FANCG: variants seen among roughly 807,000 people sequenced by gnomAD.
FANCG encodes the protein Fanconi anemia group G protein.
Under a neutral mutation model 73.3 loss-of-function variants are expected in FANCG, and 67 were observed. The ratio of observed to expected loss-of-function variants is 0.91; its 90% confidence interval spans 0.75 to 1.12. FANCG has a LOEUF of 1.12. Ranked by LOEUF, FANCG falls within the 50% of genes most tolerant of loss-of-function variation. The pLI is 0.00. For synonymous variants in FANCG, 297 were observed against 311.6 expected (o/e 0.95, Z 0.49); for missense variants, 643 against 735.6 (o/e 0.87, Z 1.46).
At chr9:35,078,049 C>T in intron 4 of FANCG, 92 bp downstream of exon 4, 2 of 1,276,068 alleles carry the variant, frequency 1.6e-6, no homozygotes, top group East Asian at 2.3e-5. Flanking sequence ...ACCCAGCCGC[C>T]TGTCCAGTAC....
chr9:35,075,362 A>C (rs368664759), intron 10 of FANCG, 37 bp from the exon 11 acceptor site: 13 of 1,613,960 alleles, frequency 8.1e-6, no homozygotes, highest in Non-Finnish European at 1.0e-5. Context: ...AAGAGGAATC[A>C]ATTTCAGAAA....
Position 35,075,821 on chromosome 9 carries a change from C to T in FANCG, c.1144-67G>A, listed in dbSNP as rs574110678. The stretch of plus-strand genomic sequence containing the variant: ...CACCATCCCCAACCTCTTCACCAGG[C>T]TCTGGTACCATGCAGAGTCCTGGGC... On this transcript the variant is annotated intron_variant, in intron 9 of 13. Coordinates refer to ENST00000378643, the MANE Select transcript of FANCG (RefSeq NM_004629.2). 6.9e-4 allele frequency: 1,062 copies of T among 1,542,750 alleles called. 23 individuals carry two copies. In the South Asian group the frequency reaches 0.011, roughly 15 times the overall value.
Position 35,079,590 on chromosome 9 carries a change from C to A in FANCG, c.-66G>T, listed in dbSNP as rs1403630352. The stretch of plus-strand genomic sequence containing the variant: ...GAAGGGTGAAGCTGGCCTGCCCAAG[C>A]TCCCAACCCCAGCGGGGAGGGGCCT... On this transcript the variant is annotated 5_prime_UTR_variant, in exon 1 of 14. Coordinates refer to ENST00000378643, the MANE Select transcript of FANCG (RefSeq NM_004629.2). The A allele has an allele frequency of 2.6e-6, 4 of 1,534,102 alleles. No individual in the cohort carries two copies. The African/African-American group carries it at 5.5e-5, about 21-fold the overall frequency.
intron 7 of FANCG, 57 bp downstream of exon 7, chr9:35,076,667 C>G (rs896122445): frequency 3.8e-5 from 61 of 1,613,748 alleles, no homozygotes; most frequent in Non-Finnish European, 5.0e-5. Flanking sequence ...TCAAGTCACC[C>G]CATCACAAGC....
rs1275245234 is a variant in FANCG at position 35,078,123 on chromosome 9, GGT to G, written c.510+16_510+17del. ...AGGAAGGAGGAGACCCTCAGCTTCA[GGT>G]CACTTTCCCTATTACCTGGCTGCCA... is the stretch of plus-strand genomic sequence containing the variant. On this transcript the variant is annotated intron_variant, in intron 4 of 13. Transcript: ENST00000378643. 5.0e-6 allele frequency: 8 copies of G among 1,611,446 alleles called. No homozygotes were observed. The highest frequency in any genetic ancestry group is 6.8e-6 in the Non-Finnish European group (8 of 1,177,832).
At chr9:35,077,446 G>A (rs748083077) in intron 4 of FANCG, 47 bp from the exon 5 acceptor site, 33 of 1,612,128 alleles carry the variant, frequency 2.0e-5, no homozygotes, top group Middle Eastern at 1.6e-4. Context: ...CAACCTCCTC[G>A]TCTTCTCCTA....
intron 4 of FANCG, 138 bp from the exon 5 acceptor site, chr9:35,077,537 G>T: frequency 2.0e-6 from 2 of 1,015,472 alleles, no homozygotes; most frequent in Non-Finnish European, 3.1e-6. Flanking sequence ...CCCTTACAAA[G>T]CAAGAAGCTA....
Position 35,075,274 on chromosome 9 carries a change from A to T in FANCG, c.1480+5T>A, listed in dbSNP as rs1554670176. 1.2e-6 allele frequency: 2 copies of T among 1,613,994 alleles called. No individual in the cohort carries two copies. Among genetic ancestry groups the T allele is most frequent in the Non-Finnish European group, 1.7e-6 (2 of 1,180,042 alleles). On this transcript the variant is annotated splice_donor_5th_base_variant and intron_variant, in intron 11 of 13. Coordinates refer to ENST00000378643, the MANE Select transcript of FANCG (RefSeq NM_004629.2). ...GGTAAGAGGAAAACTGAAAGTTTAG[A>T]TCACCTTGTTCTTTTTCCTCAGGTG...
In FANCG at chr9:35,073,900, A is replaced by T; in HGVS notation, c.*208T>A. 1 of 633,814 alleles carries T rather than the reference A, an allele frequency of 1.6e-6. No individual in the cohort carries two copies. Among genetic ancestry groups the T allele is most frequent in the Non-Finnish European group, 2.8e-6 (1 of 353,762 alleles). 39.3% of individuals were successfully genotyped at this position (633,814 alleles called of 1,614,324 possible). A position where few individuals can be genotyped will look rare whatever the true frequency, so the allele number is the denominator to read the frequency against. ...AACAGGAAAAAAGGTGCCTCGAGCA[A>T]AGTCAATGACTTGGTGGTGGCAGAG... On this transcript the variant is annotated 3_prime_UTR_variant, in exon 14 of 14. Transcript: ENST00000378643.
In FANCG at chr9:35,075,576, C is replaced by G; in HGVS notation, c.1322G>C (p.Gly441Ala). 1 of 1,614,110 alleles carries G rather than the reference C, an allele frequency of 6.2e-7. No individual in the cohort carries two copies. The highest frequency in any genetic ancestry group is 8.5e-7 in the Non-Finnish European group (1 of 1,180,008). ...MSRLWEDARK[G>A]TKELPYCPLW... is the part of the protein sequence containing the mutation. The stretch of plus-strand genomic sequence containing the variant: ...TGGGCAGTATGGCAGTTCCTTGGTT[C>G]CTTTTCTGGCATCTTCCCACAGCCG... Residue 441 changes from glycine (G) to alanine (A), a missense_variant, in exon 10 of 14, where the codon GGA becomes GCA. Physicochemically the swap from Gly to Ala is moderately conservative, Grantham distance 60. Transcript: ENST00000378643.
At position 35,074,203 on chromosome 9, in the gene FANCG, A is replaced by G. The variant is rs768325047; in HGVS notation, c.1774T>C (p.Tyr592His). 1 of 1,614,184 alleles carries G rather than the reference A, an allele frequency of 6.2e-7. No homozygotes were observed. Among genetic ancestry groups the G allele is most frequent in the Admixed American group, 1.7e-5 (1 of 60,030 alleles). ...ATCCAGCTCAAATAGCTTTCTAGGT[A>G]CAGGGGGAGAGACCTGGAGAGAAAG... ...HEDALWSLPL[Y>H]LESYLSWIRP... is the part of the protein sequence containing the mutation. Residue 592 changes from tyrosine to histidine, a missense_variant, in exon 14 of 14, where the codon TAC becomes CAC. By Grantham distance (83) the Tyr-to-His change is moderately conservative. Transcript: ENST00000378643.
intron 7 of FANCG, 32 bp downstream of exon 7, chr9:35,076,692 C>T (rs2131055793): frequency 1.9e-6 from 3 of 1,614,182 alleles, no homozygotes; most frequent in Non-Finnish European, 2.5e-6. Context: ...CAGGAATCCT[C>T]CACCCCACAT....
At chr9:35,078,040 C>G (rs536789392) in intron 4 of FANCG, 101 bp downstream of exon 4, 1 of 1,217,644 alleles carries the variant, frequency 8.2e-7, no homozygotes, top group African/African-American at 1.5e-5. Flanking sequence ...CGACCACCAA[C>G]CCAGCCGCCT....
At position 35,076,551 on chromosome 9, in the gene FANCG, C is replaced by G. The variant is rs145092954; in HGVS notation, c.957G>C (p.Pro319=). ...ALNVPCSSKA[P]QFLIEVELLL... is the part of the protein sequence containing the mutation. ...GTAATTCTACCTCAATGAGAAACTG[C>G]GGGGCTTTGGAACTGCATGGGACAT... The change falls in exon 8 of 14, where the codon CCG becomes CCC. Residue 319 remains proline (P), a synonymous_variant. Transcript: ENST00000378643. The G allele has an allele frequency of 2.7e-5, 44 of 1,613,980 alleles. No individual in the cohort carries two copies. The African/African-American group carries it at 5.1e-4, about 19-fold the overall frequency.
At chr9:35,074,689 C>T in intron 12 of FANCG, 195 bp from the exon 13 acceptor site, 1 of 871,112 alleles carries the variant, frequency 1.1e-6, no homozygotes, top group Non-Finnish European at 1.8e-6. Context: ...CAACCCACAA[C>T]AGCAGAGTCA....
rs1463307551 is a variant in FANCG at position 35,079,496 on chromosome 9, G to A, written c.29C>T (p.Ser10Phe). 1 of 1,614,154 alleles carries A rather than the reference G, an allele frequency of 6.2e-7. No homozygotes were observed. The highest frequency in any genetic ancestry group is 2.2e-5 in the East Asian group (1 of 44,878). The change falls in exon 1 of 14, where the codon TCC (serine) becomes TTC (phenylalanine). Residue 10 changes from serine (S) to phenylalanine (F), a missense_variant. By Grantham distance (155) the Ser-to-Phe change is radical (BLOSUM62 -2). Transcript: ENST00000378643. MSRQTTSVG[S>F]SCLDLWREKN... Reference sequence around the variant, plus strand: ...TTCCCTCCACAGGTCCAGGCAGCTGGAGCCCACAGAGGTGGTCTGGCGGGA... The same window carrying A: ...TTCCCTCCACAGGTCCAGGCAGCTGAAGCCCACAGAGGTGGTCTGGCGGGA...
chr9:35,077,334 A>G lies in FANCG; in HGVS notation c.576T>C (p.Asp192=). Residue 192 remains aspartate, a synonymous_variant, in exon 5 of 14, where the codon GAT becomes GAC. Transcript: ENST00000378643. ...KTWSPPAEEL[D]APLTLQDAQG... ...GGGCATCCTGCAGGGTCAATGGAGC[A>G]TCTAATTCCTCAGCTGGGGGACTCC... 1 of 1,614,184 alleles carries G rather than the reference A, an allele frequency of 6.2e-7. No homozygotes were observed. Among genetic ancestry groups the G allele is most frequent in the Non-Finnish European group, 8.5e-7 (1 of 1,180,014 alleles).
rs1384528726 is a variant in FANCG, at chr9:35,076,176, G to T, written c.1077-148C>A. 15 of 893,564 alleles carry T rather than the reference G, an allele frequency of 1.7e-5. No individual in the cohort carries two copies. The East Asian group carries it at 3.3e-4, about 19-fold the overall frequency. 55.4% of individuals were successfully genotyped at this position (893,564 alleles called of 1,614,324 possible). A position where few individuals can be genotyped will look rare whatever the true frequency, so the allele number is the denominator to read the frequency against. ...GGAAGGTCTTAGGGCTCCAATTTTG[G>T]CTCAGTATGGATCTACCCCAGTTAC... On this transcript the variant is annotated intron_variant, in intron 8 of 13. Coordinates refer to ENST00000378643, the MANE Select transcript of FANCG (RefSeq NM_004629.2).
At chr9:35,078,390 C>T in intron 3 of FANCG, 47 bp from the exon 4 acceptor site, 1 of 1,587,056 alleles carries the variant, frequency 6.3e-7, no homozygotes. Context: ...GCTGAAGTAG[C>T]ACCTCATCCT....
Sources: gnomAD v4.1 joint callset for allele counts on GRCh38, gnomAD v4.1.1 for gene constraint, MANE v1.5 for transcripts, NCBI Gene and HGNC (gene_info 2026-07-23, HGNC 2026-07-21) for gene names.